Variants in CPNE5 observed in about 807,000 individuals in gnomAD.
The protein encoded by CPNE5 is copine 5, also known as copine-5.
CPNE5 carries 42 observed loss-of-function variants against 81.1 expected under a neutral mutation model. The observed-to-expected ratio is 0.52, with a 90% CI of 0.40 to 0.67. The LOEUF (loss-of-function observed/expected upper bound fraction) is 0.67. Ranked by LOEUF, CPNE5 falls within the 30% of genes least tolerant of loss-of-function variation. CPNE5 has a pLI of 0.00. For synonymous variants in CPNE5, 313 were observed against 321.5 expected, an observed-to-expected ratio of 0.97 and a Z score of 0.28; for missense variants, 612 against 815.5, an observed-to-expected ratio of 0.75 and a Z score of 3.04.
At position 36,823,095 on chromosome 6, in the gene CPNE5, G is replaced by C; in HGVS notation, c.99C>G (p.Asn33Lys). Reference protein sequence around the residue: ...TKVEITVSCRNLLDKDMFSKS... With the variant: ...TKVEITVSCRKLLDKDMFSKS... ...TGGAAAACATGTCTTTGTCCAGGAGGTTCCTGAAAGAGGGGGAGAGAGGAG... is the reference window on the plus strand; with the variant it reads ...TGGAAAACATGTCTTTGTCCAGGAGCTTCCTGAAAGAGGGGGAGAGAGGAG... Residue 33 changes from asparagine (N) to lysine (K), a missense_variant, in exon 2 of 21, where the codon AAC becomes AAG. Asn to Lys is a moderately conservative substitution (Grantham distance 94, BLOSUM62 0). Transcript: ENST00000244751. 2 of 1,569,044 alleles carry C rather than the reference G, an allele frequency of 1.3e-6. No homozygotes were observed. Among genetic ancestry groups the C allele is most frequent in the Non-Finnish European group, 1.7e-6 (2 of 1,155,616 alleles).
intron 3 of CPNE5, among the ~76,000 whole-genome samples, chr6:36,815,157 CAA>C (rs752626370): frequency 1.3e-4 from 15 of 113,102 alleles, no homozygotes; most frequent in Non-Finnish European, 9.4e-5. Context: ...GACTCTGTCT[CAA>C]AAAAAAAAAA....
intron 8 of CPNE5, among the ~76,000 whole-genome samples, chr6:36,786,530 C>G (rs913361311): frequency 6.6e-6 from 1 of 152,122 alleles, no homozygotes; most frequent in Non-Finnish European, 1.5e-5. Flanking sequence ...TCCCACTCAC[C>G]GAGCCTGTGT....
In CPNE5 at chr6:36,766,335, G is replaced by A. The variant is rs1157252160; in HGVS notation, c.738-959C>T. Among the ~76,000 whole-genome samples the A allele has an allele frequency of 1.3e-5, 2 of 152,290 alleles. No individual in the cohort carries two copies. Among genetic ancestry groups the A allele is most frequent in the South Asian group, 4.1e-4 (2 of 4,820 alleles). On this transcript the variant is annotated intron_variant, in intron 10 of 20. Coordinates refer to ENST00000244751, the MANE Select transcript of CPNE5 (RefSeq NM_020939.2). This position sits in a 1 kb window ranked among gnomAD's most constrained non-coding sequence, Gnocchi z 4.2. ...TTCTGTGGCCCCTCCAGGAGGAGGC[G>A]CTGTCTCCTTTCAGATGAGCATCCT...
chr6:36,778,726 C>T, intron 9 of CPNE5, 128 bp downstream of exon 9: 1 of 693,346 alleles, frequency 1.4e-6, no homozygotes, highest in Non-Finnish European at 2.6e-6. Context: ...ACCCAGAGCC[C>T]TTGCCCTCTC....
At chr6:36,748,196 C>T (rs1764399057) in intron 15 of CPNE5, 25 bp downstream of exon 15, 1 of 1,611,878 alleles carries the variant, frequency 6.2e-7, no homozygotes, top group South Asian at 1.1e-5. Context: ...TCCCACCCTG[C>T]TCCTCTACCC....
intron 3 of CPNE5, among the ~76,000 whole-genome samples, chr6:36,804,553 T>C (rs1770409310): frequency 6.6e-6 from 1 of 152,180 alleles, no homozygotes; most frequent in South Asian, 2.1e-4. Context: ...TTTCTCTCAC[T>C]ACACTTGCCC....
chr6:36,802,509 G>A (rs1478336957), intron 3 of CPNE5, among the ~76,000 whole-genome samples: 1 of 152,126 alleles, frequency 6.6e-6, no homozygotes, highest in Non-Finnish European at 1.5e-5. Context: ...ATGAAGGCAG[G>A]GGTGCTGTTC....
intron 9 of CPNE5, among the ~76,000 whole-genome samples, chr6:36,778,039 C>A (rs1406869080): frequency 1.3e-5 from 2 of 152,160 alleles, no homozygotes; most frequent in African/African-American, 4.8e-5. Flanking sequence ...GAATCCCAGC[C>A]TGTAAGTGGC....
chr6:36,812,582 A>G (rs1771196147), intron 3 of CPNE5, among the ~76,000 whole-genome samples: 1 of 152,190 alleles, frequency 6.6e-6, no homozygotes. Flanking sequence ...TCAGGATTCA[A>G]AGGGACATCC....
chr6:36,836,304 C>T (rs1233191538), intron 1 of CPNE5, among the ~76,000 whole-genome samples: 1 of 152,192 alleles, frequency 6.6e-6, no homozygotes, highest in African/African-American at 2.4e-5. Flanking sequence ...GGCAGCTTTG[C>T]TTAGCTAGCT....
chr6:36,742,530 C>A (rs760731794), intron 20 of CPNE5, 44 bp from the exon 21 acceptor site: 5 of 1,582,216 alleles, frequency 3.2e-6, no homozygotes, highest in Non-Finnish European at 4.3e-6. Flanking sequence ...TCCTGTGGGA[C>A]CCTGGCCCCC....
chr6:36,824,125 C>T (rs1312589149), intron 1 of CPNE5, among the ~76,000 whole-genome samples: 2 of 152,212 alleles, frequency 1.3e-5, no homozygotes, highest in African/African-American at 4.8e-5. Context: ...CCTCACAGTT[C>T]CTGTACACAT....
At chr6:36,789,329 G>C (rs1053299403) in intron 8 of CPNE5, among the ~76,000 whole-genome samples, 1 of 152,190 alleles carries the variant, frequency 6.6e-6, no homozygotes, top group African/African-American at 2.4e-5. Context: ...TTTAACACCT[G>C]ATAGGTATTC....
chr6:36,793,579 C>T (rs1001184278), intron 7 of CPNE5, among the ~76,000 whole-genome samples: 1 of 152,104 alleles, frequency 6.6e-6, no homozygotes, highest in African/African-American at 2.4e-5. Flanking sequence ...CCAGCCCCAA[C>T]CTGCTCCCAC....
Position 36,800,008 on chromosome 6 carries a change from C to G in CPNE5, c.246G>C (p.Val82=), listed in dbSNP as rs762221970. 6.2e-7 allele frequency: 1 copy of G among 1,614,096 alleles called. No individual in the cohort carries two copies. The highest frequency in any genetic ancestry group is 1.7e-5 in the Admixed American group (1 of 60,016). ...TCTGCTTCTCCTCGAAAAAGTAATC[C>G]ACAATGAACTTGCGCACGAAGTCAG... ...LNPDFVRKFI[V]DYFFEEKQNL... Residue 82 remains valine (V), a synonymous_variant, in exon 4 of 21, where the codon GTG becomes GTC. Coordinates refer to ENST00000244751, the MANE Select transcript of CPNE5 (RefSeq NM_020939.2).
In CPNE5 at chr6:36,807,758, T is replaced by C. The variant is rs529737118; in HGVS notation, c.184-7688A>G. Among the ~76,000 whole-genome samples, 20 of 152,308 alleles carry C rather than the reference T, an allele frequency of 1.3e-4. No individual in the cohort carries two copies. The South Asian group carries it at 2.1e-3, about 16-fold the overall frequency. On this transcript the variant is annotated intron_variant, in intron 3 of 20. Coordinates refer to ENST00000244751, the MANE Select transcript of CPNE5 (RefSeq NM_020939.2). Reference sequence around the variant, plus strand: ...GGAGGCAAATGCAGGGCTGGCCCTTTGCTCGAACAAACCGACTTCTCCATC... The same window carrying C: ...GGAGGCAAATGCAGGGCTGGCCCTTCGCTCGAACAAACCGACTTCTCCATC...
intron 6 of CPNE5, among the ~76,000 whole-genome samples, chr6:36,795,527 C>T (rs887351803): frequency 2.0e-5 from 3 of 152,128 alleles, no homozygotes; most frequent in African/African-American, 7.2e-5. Flanking sequence ...GAGGTCATGG[C>T]AGTGGACCCT....
At chr6:36,811,202 G>C (rs894505171) in intron 3 of CPNE5, among the ~76,000 whole-genome samples, 1 of 152,104 alleles carries the variant, frequency 6.6e-6, no homozygotes, top group Non-Finnish European at 1.5e-5. Flanking sequence ...AGGGTGGGGG[G>C]CCTGAGCAGT....
At chr6:36,787,961 G>T (rs1282990038) in intron 8 of CPNE5, among the ~76,000 whole-genome samples, 6 of 152,116 alleles carry the variant, frequency 3.9e-5, no homozygotes, top group Non-Finnish European at 8.8e-5. Context: ...GTCTCTAGGG[G>T]GAACCAAGGG....
Sources: allele counts gnomAD v4.1 joint callset (sites outside exome capture counted in the v4.1 genomes callset), GRCh38; gene constraint gnomAD v4.1.1; non-coding constraint Gnocchi (gnomAD v3.1); transcripts MANE v1.5; gene names NCBI Gene and HGNC (gene_info 2026-07-23, HGNC 2026-07-21).